The following C12orf56 variants were observed in gnomAD, a reference collection of about 807,000 sequenced individuals.
C12orf56 encodes uncharacterized protein C12orf56.
In C12orf56, 71 loss-of-function variants were observed where a neutral mutation model predicts 69.9. The ratio of observed to expected loss-of-function variants is 1.02; its 90% CI spans 0.84 to 1.24. The LOEUF is 1.24. Ranked by LOEUF, C12orf56 falls within the 50% of genes most tolerant of loss-of-function variation. The probability of loss-of-function intolerance (pLI) is 0.00; values close to 1 mark genes in which losing one functional copy is unlikely to be tolerated. For missense variants in C12orf56, 732 were observed against 738.5 expected (o/e 0.99, Z 0.10); for synonymous variants, 276 against 274.1 (o/e 1.01, Z -0.07).
intron 2 of C12orf56, among the ~76,000 whole-genome samples, chr12:64,331,861 T>C (rs2038934291): frequency 6.6e-6 from 1 of 152,042 alleles, no homozygotes; most frequent in African/African-American, 2.4e-5. Context: ...AAGACAGTGG[T>C]CCGCTGTTAT....
chr12:64,295,754 G>A (rs1252067064), intron 6 of C12orf56, among the ~76,000 whole-genome samples: 1 of 150,986 alleles, frequency 6.6e-6, no homozygotes, highest in African/African-American at 2.4e-5. Context: ...AAAGAAAAAA[G>A]TATGCCTCAA....
rs1402028578 is a variant in C12orf56 at position 64,318,767 on chromosome 12, G to GTTA, written c.701_702insTAA (p.Asn234dup). The GTTA allele has an allele frequency of 7.0e-7, 1 of 1,432,166 alleles. No individual in the cohort carries two copies. Among genetic ancestry groups the GTTA allele is most frequent in the South Asian group, 1.2e-5 (1 of 80,956 alleles). 88.7% of individuals were successfully genotyped at this position (1,432,166 alleles called of 1,614,324 possible). ...ACTTGAAAGGAATTTCACTTATGGA[G>GTTA]TTGTGATCTGGAAGTCCCTGGGGTT... is the stretch of plus-strand genomic sequence containing the variant. On this transcript the variant is annotated inframe_insertion, in exon 4 of 13. Coordinates refer to ENST00000543942, the MANE Select transcript of C12orf56 (RefSeq NM_001170633.2).
chr12:64,276,993 TAAA>T (rs200351319), intron 9 of C12orf56, among the ~76,000 whole-genome samples: 11 of 69,220 alleles, frequency 1.6e-4, no homozygotes, highest in Non-Finnish European at 2.5e-4. Flanking sequence ...AACCCTTTCT[TAAA>T]AAAAAAAAAA....
rs950292051 is a variant in C12orf56, at chr12:64,325,637, C to T, written c.488+5323G>A. Among the ~76,000 whole-genome samples the T allele has an allele frequency of 1.8e-4, 28 of 152,236 alleles. No homozygotes were observed. The East Asian group carries it at 2.9e-3, about 16-fold the overall frequency. On this transcript the variant is annotated intron_variant, in intron 3 of 12. Coordinates refer to ENST00000543942, the MANE Select transcript of C12orf56 (RefSeq NM_001170633.2). The stretch of plus-strand genomic sequence containing the variant: ...TTATCTTCATTAATATAGTGTGGAA[C>T]TGAAATTGATGAGTTGGCCTGAAAC...
In C12orf56 at chr12:64,344,394, T is replaced by G. The variant is rs528294224; in HGVS notation, c.415+8500A>C. On this transcript the variant is annotated intron_variant, in intron 2 of 12. Transcript: ENST00000543942. ...ATTCGACCTAGAAGTTTTCTGCTTATATAAATTAAGTAGGAATGCAGTAGG... is the reference window on the plus strand; with the variant it reads ...ATTCGACCTAGAAGTTTTCTGCTTAGATAAATTAAGTAGGAATGCAGTAGG... Among the ~76,000 whole-genome samples the G allele has an allele frequency of 5.9e-5, 9 of 152,372 alleles. 1 individual carries two copies. The South Asian group carries it at 1.7e-3, about 28-fold the overall frequency.
intron 8 of C12orf56, among the ~76,000 whole-genome samples, chr12:64,280,712 C>G (rs542315404): frequency 6.6e-6 from 1 of 152,268 alleles, no homozygotes; most frequent in African/African-American, 2.4e-5. Context: ...AAGAGATACT[C>G]TCCTGCAAAG....
intron 1 of C12orf56, among the ~76,000 whole-genome samples, chr12:64,385,789 A>G (rs2039780819): frequency 6.6e-6 from 1 of 152,156 alleles, no homozygotes; most frequent in Non-Finnish European, 1.5e-5. Flanking sequence ...GAGTAATAAT[A>G]AAACTCCAGT....
rs375758649 is a variant in C12orf56, at chr12:64,284,688, C to T, written c.1286G>A (p.Arg429His). Reference sequence around the variant, plus strand: ...CTTCTTAGCTGCCAATGTGTTCAGGCGTGATGACTCGGTTTCTGTTTCTCT... The same window carrying T: ...CTTCTTAGCTGCCAATGTGTTCAGGTGTGATGACTCGGTTTCTGTTTCTCT... ...MFRETETESS[R>H]LNTLAAKKGA... The change falls in exon 8 of 13, where the codon CGC becomes CAC. Residue 429 changes from arginine (R) to histidine (H), a missense_variant. By Grantham distance (29) the Arg-to-His change is conservative (BLOSUM62 0). Coordinates refer to ENST00000543942, the MANE Select transcript of C12orf56 (RefSeq NM_001170633.2). 2.2e-5 allele frequency: 36 copies of T among 1,612,060 alleles called. No individual in the cohort carries two copies. Among genetic ancestry groups the T allele is most frequent in the Non-Finnish European group, 2.7e-5 (32 of 1,179,294 alleles).
chr12:64,285,076 C>T (rs2038181447), intron 7 of C12orf56, among the ~76,000 whole-genome samples: 1 of 151,828 alleles, frequency 6.6e-6, no homozygotes, highest in Non-Finnish European at 1.5e-5. Context: ...CATGGCAAAA[C>T]CCCATCTTTA....
At chr12:64,284,594 G>T in intron 8 of C12orf56, 70 bp downstream of exon 8, 1 of 1,115,330 alleles carries the variant, frequency 9.0e-7, no homozygotes, top group South Asian at 1.5e-5. Context: ...TATGTGCTTT[G>T]GAAGACACTT....
intron 6 of C12orf56, among the ~76,000 whole-genome samples, chr12:64,299,007 A>G (rs188591478): frequency 1.2e-3 from 176 of 152,288 alleles, no homozygotes; most frequent in African/African-American, 3.8e-3. Context: ...GATTCTTCCT[A>G]TCCATGAGCA....
chr12:64,354,394 T>C (rs886302677), intron 1 of C12orf56, among the ~76,000 whole-genome samples: 3 of 152,122 alleles, frequency 2.0e-5, no homozygotes, highest in Non-Finnish European at 4.4e-5. Flanking sequence ...TGCCATGATC[T>C]GTGCAGTGCA....
chr12:64,318,205 C>T (rs866158949), intron 4 of C12orf56, among the ~76,000 whole-genome samples: 4 of 151,888 alleles, frequency 2.6e-5, no homozygotes, highest in African/African-American at 7.3e-5. Flanking sequence ...GGATTACCGG[C>T]GCGCACCACC....
intron 1 of C12orf56, among the ~76,000 whole-genome samples, chr12:64,363,922 A>T (rs2039430391): frequency 6.6e-6 from 1 of 152,148 alleles, no homozygotes; most frequent in Non-Finnish European, 1.5e-5. Context: ...GATTTCCTCA[A>T]ATAGATAACT....
intron 6 of C12orf56, among the ~76,000 whole-genome samples, chr12:64,298,734 G>A (rs1173968434): frequency 6.6e-6 from 1 of 152,074 alleles, no homozygotes; most frequent in African/African-American, 2.4e-5. Context: ...TGTTCCATTG[G>A]TCTATATGTC....
At chr12:64,373,549 G>A (rs920032889) in intron 1 of C12orf56, among the ~76,000 whole-genome samples, 1 of 152,192 alleles carries the variant, frequency 6.6e-6, no homozygotes, top group African/African-American at 2.4e-5. Context: ...TGAAATCAGT[G>A]TAAGACCCAG....
At chr12:64,282,886 G>A (rs926228551) in intron 8 of C12orf56, among the ~76,000 whole-genome samples, 1 of 152,094 alleles carries the variant, frequency 6.6e-6, no homozygotes, top group Admixed American at 6.6e-5. Context: ...GCTCACACCT[G>A]TAATCCCAGC....
chr12:64,328,131 G>C (rs907591231), intron 3 of C12orf56, among the ~76,000 whole-genome samples: 13 of 152,102 alleles, frequency 8.5e-5, no homozygotes, highest in African/African-American at 3.1e-4. Context: ...GTGAGAAAAG[G>C]CCCCTCCCCA....
At chr12:64,315,221 T>C (rs2038675897) in intron 4 of C12orf56, among the ~76,000 whole-genome samples, 1 of 151,820 alleles carries the variant, frequency 6.6e-6, no homozygotes, top group African/African-American at 2.4e-5. Context: ...CAACCTGTCT[T>C]GTGCTTAATA....
Sources: gnomAD v4.1 joint callset for allele counts (sites outside exome capture counted in the v4.1 genomes callset) on GRCh38, gnomAD v4.1.1 for gene constraint, MANE v1.5 for transcripts, NCBI Gene and HGNC (gene_info 2026-07-23, HGNC 2026-07-21) for gene names.